ROBO2: variants seen among roughly 807,000 people sequenced by gnomAD.
ROBO2 encodes the protein roundabout guidance receptor 2, also known as roundabout homolog 2.
In ROBO2, 53 loss-of-function variants were observed where a neutral mutation model predicts 160.8. That is an observed-to-expected ratio of 0.33 (90% CI 0.26 to 0.41). The LOEUF (loss-of-function observed/expected upper bound fraction) is 0.41, where lower values mean the gene tolerates loss of function less well. ROBO2 is among the 10% of genes least tolerant of loss of function. The probability of loss-of-function intolerance (pLI) is 1.00; values close to 1 mark genes in which losing one functional copy is unlikely to be tolerated. For synonymous variants in ROBO2, 664 were observed against 611.7 expected, an observed-to-expected ratio of 1.09 and a Z score of -1.26; for missense variants, 1,577 against 1,722.4, an observed-to-expected ratio of 0.92 and a Z score of 1.49.
At chr3:76,288,130 T>C (rs1708618789) in intron 2 of ROBO2, among the ~76,000 whole-genome samples, 1 of 112,194 alleles carries the variant, frequency 8.9e-6, no homozygotes, top group Admixed American at 1.1e-4. Context: ...CACCTAGTCT[T>C]TATAAGATAT....
chr3:76,305,896 T>G (rs553899096), intron 2 of ROBO2, among the ~76,000 whole-genome samples: 3 of 151,958 alleles, frequency 2.0e-5, no homozygotes, highest in African/African-American at 7.2e-5. Flanking sequence ...AGCTGAGGAT[T>G]GCTCAGAGTT....
intron 2 of ROBO2, among the ~76,000 whole-genome samples, chr3:76,072,568 G>GT (rs905648064): frequency 7.9e-5 from 12 of 151,744 alleles, no homozygotes; most frequent in African/African-American, 9.7e-5. Flanking sequence ...TAGTTTTTTT[G>GT]TTTTTTTGTT....
chr3:76,033,101 CAAA>C lies in ROBO2; in HGVS notation c.109+95509_109+95511del, dbSNP rs4054054. On this transcript the variant is annotated intron_variant, in intron 2 of 26. Transcript: ENST00000487694. The stretch of plus-strand genomic sequence containing the variant: ...AAACATCGTAAAATGGATATAACAG[CAAA>C]AAAAAAAAATGGGGAGAAATGTTAT... 1.3e-3 allele frequency among the ~76,000 whole-genome samples: 196 copies of C among 150,884 alleles called. 3 individuals are homozygous for C. Among genetic ancestry groups the C allele is most frequent in the South Asian group, 2.5e-3 (12 of 4,748 alleles).
At chr3:76,463,145 C>G (rs955849821) in intron 2 of ROBO2, among the ~76,000 whole-genome samples, 1 of 152,082 alleles carries the variant, frequency 6.6e-6, no homozygotes, top group African/African-American at 2.4e-5. Context: ...AGTGAAAGCA[C>G]CTGAGGCTCA....
At chr3:77,531,764 A>AT (rs2091747500) in intron 6 of ROBO2, among the ~76,000 whole-genome samples, 1 of 152,062 alleles carries the variant, frequency 6.6e-6, no homozygotes, top group Non-Finnish European at 1.5e-5. Context: ...GTTTGGATGC[A>AT]CTTTTTGCAA....
At chr3:76,456,452 A>G (rs888303321) in intron 2 of ROBO2, among the ~76,000 whole-genome samples, 11 of 152,200 alleles carry the variant, frequency 7.2e-5, no homozygotes, top group African/African-American at 2.7e-4. Context: ...TAACAAATTG[A>G]GGGAACAAGG....
chr3:77,633,762 G>C (rs764530908), intron 23 of ROBO2: 2 of 152,224 alleles, frequency 1.3e-5, no homozygotes, highest in Admixed American at 1.3e-4. Context: ...ACTAAAATAC[G>C]TTGTAATAGA....
At chr3:77,448,089 G>A (rs371047628) in intron 2 of ROBO2, among the ~76,000 whole-genome samples, 2 of 152,134 alleles carry the variant, frequency 1.3e-5, no homozygotes, top group African/African-American at 4.8e-5. Flanking sequence ...ACTGAGAGGA[G>A]GAGCCCTTTT....
At chr3:77,102,427 G>T (rs2072090245) in intron 2 of ROBO2, among the ~76,000 whole-genome samples, 1 of 152,136 alleles carries the variant, frequency 6.6e-6, no homozygotes, top group Non-Finnish European at 1.5e-5. Flanking sequence ...CCAGACATTG[G>T]AAATATTCCT....
chr3:77,116,556 G>T (rs990422053), intron 2 of ROBO2, among the ~76,000 whole-genome samples: 3 of 144,862 alleles, frequency 2.1e-5, no homozygotes, highest in African/African-American at 8.5e-5. Context: ...ATTAAACTTG[G>T]ACACTTAGAA....
At position 76,971,762 on chromosome 3, in the gene ROBO2, G is replaced by A. The variant is rs571929621; in HGVS notation, c.110-126252G>A. ...TTAATAGCTTAAAGGCAAATTATTG[G>A]CCATAACTAGGAGATGCTGGATTCA... On this transcript the variant is annotated intron_variant, in intron 2 of 26. Transcript: ENST00000487694. Among the ~76,000 whole-genome samples the A allele has an allele frequency of 1.1e-4, 17 of 152,212 alleles. No individual in the cohort carries two copies. In the South Asian group the frequency reaches 3.3e-3, roughly 30 times the overall value.
At chr3:76,715,130 G>C (rs1255538208) in intron 2 of ROBO2, among the ~76,000 whole-genome samples, 1 of 152,018 alleles carries the variant, frequency 6.6e-6, no homozygotes, top group Non-Finnish European at 1.5e-5. Flanking sequence ...AGAGAAAGAG[G>C]TCTTTTTCCT....
At chr3:76,719,271 T>C (rs1486687589) in intron 2 of ROBO2, among the ~76,000 whole-genome samples, 1 of 152,198 alleles carries the variant, frequency 6.6e-6, no homozygotes, top group Non-Finnish European at 1.5e-5. Flanking sequence ...TTTGAATGTA[T>C]AGATTCAGTC....
At chr3:76,881,951 T>G (rs2073377052) in intron 2 of ROBO2, among the ~76,000 whole-genome samples, 1 of 151,898 alleles carries the variant, frequency 6.6e-6, no homozygotes, top group Non-Finnish European at 1.5e-5. Context: ...TGTGTGTGTA[T>G]GTGTGTCTGT....
chr3:77,001,457 A>T, intron 2 of ROBO2, among the ~76,000 whole-genome samples: 1 of 152,314 alleles, frequency 6.6e-6, no homozygotes, highest in Admixed American at 6.5e-5. Context: ...AAACCACAGC[A>T]GAAATATGAT....
intron 2 of ROBO2, among the ~76,000 whole-genome samples, chr3:76,774,735 G>A (rs896394167): frequency 6.7e-6 from 1 of 150,242 alleles, no homozygotes; most frequent in Non-Finnish European, 1.5e-5. Context: ...TTAAAAGGCA[G>A]TATTTTCTGT....
At chr3:77,409,861 A>T (rs930683566) in intron 2 of ROBO2, among the ~76,000 whole-genome samples, 3 of 152,212 alleles carry the variant, frequency 2.0e-5, no homozygotes, top group Admixed American at 2.0e-4. Flanking sequence ...ACGTACACAC[A>T]TACACACACA....
chr3:76,390,896 T>A (rs11708256), intron 2 of ROBO2, among the ~76,000 whole-genome samples: 21,274 of 151,996 alleles, frequency 0.14, 1,581 homozygotes, highest in South Asian at 0.16. Context: ...GACCCTAGAG[T>A]CTGCCATATA....
chr3:76,747,729 A>G (rs921230018), intron 2 of ROBO2, among the ~76,000 whole-genome samples: 1 of 151,978 alleles, frequency 6.6e-6, no homozygotes, highest in Non-Finnish European at 1.5e-5. Flanking sequence ...TAAATTTTTA[A>G]GTGTTACAGA....
Sources: gnomAD v4.1 joint callset for allele counts (sites outside exome capture counted in the v4.1 genomes callset) on GRCh38, gnomAD v4.1.1 for gene constraint, MANE v1.5 for transcripts, NCBI Gene and HGNC (gene_info 2026-07-23, HGNC 2026-07-21) for gene names.